CNTN5: variants seen among roughly 807,000 people sequenced by gnomAD.
The protein encoded by CNTN5 is contactin 5.
CNTN5 carries 77 observed loss-of-function variants against 129.1 expected under a neutral mutation model. That is an observed-to-expected ratio of 0.60 (90% CI 0.50 to 0.72). CNTN5 has a LOEUF of 0.72. Among genes scored for constraint, CNTN5 ranks in the 30% least tolerant of loss-of-function variants. The probability of loss-of-function intolerance (pLI) is 0.00; values close to 1 mark genes in which losing one functional copy is unlikely to be tolerated. For missense variants in CNTN5, 1,478 were observed against 1,328.8 expected (o/e 1.11, Z -1.75); for synonymous variants, 509 against 465.6 (o/e 1.09, Z -1.20).
chr11:99,782,192 CAGAG>C (rs1309218808), intron 3 of CNTN5, among the ~76,000 whole-genome samples: 3 of 148,446 alleles, frequency 2.0e-5, no homozygotes, highest in East Asian at 2.0e-4. Flanking sequence ...AACAGACAAA[CAGAG>C]AGCCAAATCA....
chr11:99,737,119 T>A (rs947412434), intron 3 of CNTN5, among the ~76,000 whole-genome samples: 1 of 151,350 alleles, frequency 6.6e-6, no homozygotes, highest in South Asian at 2.1e-4. Flanking sequence ...TTAACCACCC[T>A]GTAACACACA....
At chr11:99,340,913 T>C (rs976568566) in intron 2 of CNTN5, among the ~76,000 whole-genome samples, 4 of 152,274 alleles carry the variant, frequency 2.6e-5, no homozygotes, top group African/African-American at 9.6e-5. Context: ...TAACTGTCAA[T>C]ATTTTGGGTA....
intron 1 of CNTN5, among the ~76,000 whole-genome samples, chr11:99,233,419 G>A (rs995616970): frequency 2.0e-4 from 30 of 152,174 alleles, no homozygotes; most frequent in Non-Finnish European, 4.4e-5. Flanking sequence ...GTTATTGAGT[G>A]ATTTAGGAGG....
chr11:99,702,256 A>G (rs939724925), intron 3 of CNTN5, among the ~76,000 whole-genome samples: 1 of 150,798 alleles, frequency 6.6e-6, no homozygotes, highest in Non-Finnish European at 1.5e-5. Context: ...TAAGGTACAT[A>G]TTTCATATGG....
chr11:99,325,924 A>G (rs1330021020), intron 2 of CNTN5, among the ~76,000 whole-genome samples: 17 of 152,206 alleles, frequency 1.1e-4, no homozygotes, highest in Non-Finnish European at 1.8e-4. Context: ...CAATGCTTAA[A>G]GTTAAATAAG....
chr11:99,887,618 C>A (rs1390927519), intron 6 of CNTN5, among the ~76,000 whole-genome samples: 1 of 152,194 alleles, frequency 6.6e-6, no homozygotes, highest in East Asian at 1.9e-4. Flanking sequence ...CTCAAAACCT[C>A]AAAAGTAGGA....
At chr11:99,545,135 G>T (rs1948248893) in intron 2 of CNTN5, among the ~76,000 whole-genome samples, 1 of 152,132 alleles carries the variant, frequency 6.6e-6, no homozygotes, top group Non-Finnish European at 1.5e-5. Flanking sequence ...CATTTGCCTT[G>T]CCTTTAGAGA....
chr11:99,722,615 C>T (rs1323695441), intron 3 of CNTN5, among the ~76,000 whole-genome samples: 1 of 151,962 alleles, frequency 6.6e-6, no homozygotes, highest in Admixed American at 6.6e-5. Flanking sequence ...ATGTACCCCC[C>T]AAACCTAAAA....
intron 18 of CNTN5, among the ~76,000 whole-genome samples, chr11:100,281,243 G>A (rs1362735634): frequency 6.6e-6 from 1 of 152,084 alleles, no homozygotes; most frequent in African/African-American, 2.4e-5. Flanking sequence ...TCTGATTGAA[G>A]TATTCTCTTT....
At chr11:100,000,585 G>T (rs963860038) in intron 8 of CNTN5, among the ~76,000 whole-genome samples, 9 of 152,274 alleles carry the variant, frequency 5.9e-5, no homozygotes, top group African/African-American at 2.2e-4. Flanking sequence ...CACCATTCTG[G>T]GGTCTGGAGG....
chr11:99,078,156 A>C (rs929384080), intron 1 of CNTN5, among the ~76,000 whole-genome samples: 1 of 152,212 alleles, frequency 6.6e-6, no homozygotes, highest in Non-Finnish European at 1.5e-5. Flanking sequence ...TTCCTTGTTC[A>C]TATTAGTAAT....
intron 1 of CNTN5, among the ~76,000 whole-genome samples, chr11:99,221,709 C>T (rs1313019440): frequency 1.3e-5 from 2 of 151,858 alleles, no homozygotes; most frequent in Admixed American, 6.6e-5. Context: ...CTATAATGAT[C>T]TCCAAATACT....
At chr11:99,739,636 T>C (rs1020516319) in intron 3 of CNTN5, among the ~76,000 whole-genome samples, 2 of 152,066 alleles carry the variant, frequency 1.3e-5, no homozygotes, top group African/African-American at 4.8e-5. Flanking sequence ...GAGAAAAAAC[T>C]AAAGTGCTAT....
intron 2 of CNTN5, among the ~76,000 whole-genome samples, chr11:99,510,174 G>A (rs1946781504): frequency 6.6e-6 from 1 of 151,978 alleles, no homozygotes; most frequent in Non-Finnish European, 1.5e-5. Context: ...AGCAGAGAGT[G>A]CTTACAGAAA....
chr11:99,961,306 T>C (rs1950941778), intron 8 of CNTN5, among the ~76,000 whole-genome samples: 1 of 151,714 alleles, frequency 6.6e-6, no homozygotes, highest in Non-Finnish European at 1.5e-5. Flanking sequence ...CATGGTGGAC[T>C]GGATGCATGC....
intron 13 of CNTN5, among the ~76,000 whole-genome samples, chr11:100,130,769 C>T (rs1259047840): frequency 6.6e-6 from 1 of 152,008 alleles, no homozygotes; most frequent in Non-Finnish European, 1.5e-5. Context: ...TGAGGAAAGG[C>T]TATTGCTTGG....
intron 21 of CNTN5, among the ~76,000 whole-genome samples, chr11:100,324,851 T>G (rs1250708401): frequency 6.6e-6 from 1 of 152,164 alleles, no homozygotes; most frequent in Admixed American, 6.6e-5. Flanking sequence ...TCATAAATAT[T>G]CAAAAGTTTA....
chr11:100,061,123 G>A, intron 9 of CNTN5, 89 bp from the exon 10 acceptor site: 2 of 1,025,828 alleles, frequency 1.9e-6, no homozygotes, highest in Non-Finnish European at 2.8e-6. Context: ...ATTGCACTCA[G>A]CCTATTAAGT....
intron 2 of CNTN5, among the ~76,000 whole-genome samples, chr11:99,473,766 A>G (rs1449313367): frequency 1.3e-5 from 2 of 152,050 alleles, no homozygotes; most frequent in Non-Finnish European, 2.9e-5. Context: ...AGTCTTTATT[A>G]TATCAAATAA....
Sources: allele counts gnomAD v4.1 joint callset (sites outside exome capture counted in the v4.1 genomes callset), GRCh38; gene constraint gnomAD v4.1.1; transcripts MANE v1.5; gene names NCBI Gene and HGNC (gene_info 2026-07-23, HGNC 2026-07-21).